The following PMEPA1 variants were observed in gnomAD, a reference collection of about 807,000 sequenced individuals.
PMEPA1 encodes prostate transmembrane protein, androgen induced 1, also known as protein TMEPAI.
A neutral mutation model predicts 23.0 loss-of-function variants in PMEPA1; 11 were observed. The observed-to-expected ratio is 0.48, with a 90% CI of 0.30 to 0.79. PMEPA1 has a LOEUF of 0.79. PMEPA1 is among the 30% of genes least tolerant of loss of function. The pLI, the probability that PMEPA1 is intolerant of heterozygous loss-of-function variation, is 0.06. For synonymous variants in PMEPA1, 204 were observed against 166.4 expected (o/e 1.23, Z -1.74); for missense variants, 377 against 390.9 (o/e 0.96, Z 0.30).
At chr20:57,700,051 T>G in intron 1 of PMEPA1, 1 of 471,226 alleles carries the variant, frequency 2.1e-6, no homozygotes, top group South Asian at 1.5e-5. Flanking sequence ...CTCAGGCAAA[T>G]TCATGGCTGG....
At position 57,652,028 on chromosome 20, in the gene PMEPA1, C is replaced by G; in HGVS notation, c.*25G>C. On this transcript the variant is annotated 3_prime_UTR_variant, in exon 4 of 4. Coordinates refer to ENST00000341744, the MANE Select transcript of PMEPA1 (RefSeq NM_020182.5). The surrounding 1 kb of genome is among the most constrained non-coding windows in gnomAD (Gnocchi z 6.1). ...GTGTTCTGCCTTTTCACCTACGCAGCCCCAGCCCGGCCCCCCTGGGGACCC... is the reference window on the plus strand; with the variant it reads ...GTGTTCTGCCTTTTCACCTACGCAGGCCCAGCCCGGCCCCCCTGGGGACCC... The G allele has an allele frequency of 6.9e-7, 1 of 1,454,662 alleles. No homozygotes were observed. Among genetic ancestry groups the G allele is most frequent in the South Asian group, 1.5e-5 (1 of 68,576 alleles). 90.1% of individuals were successfully genotyped at this position (1,454,662 alleles called of 1,614,324 possible).
rs987801720 is a variant in PMEPA1 at position 57,650,652 on chromosome 20, G to A, written c.*1401C>T. On this transcript the variant is annotated 3_prime_UTR_variant, in exon 4 of 4. Coordinates refer to ENST00000341744, the MANE Select transcript of PMEPA1 (RefSeq NM_020182.5). ...AAAGGAGATGGAAAGGGGAAGAGAA[G>A]GTGAAGAATTCTGCGCCCGAAGCTC... 4 of 152,302 alleles carry A rather than the reference G, an allele frequency of 2.6e-5. No individual in the cohort carries two copies. The highest frequency in any genetic ancestry group is 5.9e-5 in the Non-Finnish European group (4 of 68,084). 9.4% of individuals were successfully genotyped at this position (152,302 alleles called of 1,614,324 possible).
chr20:57,707,278 C>T (rs2072102624), intron 1 of PMEPA1, among the ~76,000 whole-genome samples: 1 of 152,096 alleles, frequency 6.6e-6, no homozygotes. Context: ...TAAAGAAACT[C>T]CAGGAGACAC....
Position 57,670,679 on chromosome 20 carries a change from T to TCCCCA in PMEPA1, c.110-10987_110-10983dup, listed in dbSNP as rs1206388640. 1.4e-4 allele frequency among the ~76,000 whole-genome samples: 22 copies of TCCCCA among 152,072 alleles called. No individual in the cohort carries two copies. The East Asian group carries it at 3.7e-3, about 25-fold the overall frequency. ...GTGCCTGACTCCGCGTTGTATTCCG[T>TCCCCA]CCCCAGCCAGCACAGACCCAAGGGA... On this transcript the variant is annotated intron_variant, in intron 1 of 3. Coordinates refer to ENST00000341744, the MANE Select transcript of PMEPA1 (RefSeq NM_020182.5).
intron 1 of PMEPA1, among the ~76,000 whole-genome samples, chr20:57,701,751 C>T (rs908441127): frequency 2.6e-5 from 4 of 152,160 alleles, no homozygotes; most frequent in Non-Finnish European, 5.9e-5. Context: ...ACCACGCTCA[C>T]CCCCAGAATG....
intron 1 of PMEPA1, among the ~76,000 whole-genome samples, chr20:57,663,314 G>A (rs1158079659): frequency 6.6e-6 from 1 of 152,194 alleles, no homozygotes; most frequent in Non-Finnish European, 1.5e-5. Flanking sequence ...GAGAGGAGCA[G>A]GGTGGTGGCA....
At chr20:57,674,778 C>T (rs570575411) in intron 1 of PMEPA1, among the ~76,000 whole-genome samples, 2 of 152,232 alleles carry the variant, frequency 1.3e-5, no homozygotes, top group Non-Finnish European at 2.9e-5. Context: ...GTATGCCAGG[C>T]CCTGCATGAG....
intron 1 of PMEPA1, among the ~76,000 whole-genome samples, chr20:57,695,583 A>G (rs1012697919): frequency 6.6e-6 from 1 of 152,240 alleles, no homozygotes; most frequent in African/African-American, 2.4e-5. Flanking sequence ...AATTGAGATC[A>G]GAAGTTCGAG....
intron 1 of PMEPA1, among the ~76,000 whole-genome samples, chr20:57,706,771 C>A (rs2072095783): frequency 6.6e-6 from 1 of 152,110 alleles, no homozygotes; most frequent in Non-Finnish European, 1.5e-5. Context: ...GGACCTCGGG[C>A]AAAACTTTCC....
Position 57,709,597 on chromosome 20 carries a change from CGCGGCGCGGG to C in PMEPA1, c.-25_-16del. ...AAGCGGTGCATGGACGGCGCGGCGGCGCGGCGCGGGGCGCGGGGGGCTCGGGGGCGGCCGG... is the reference window on the plus strand; with the variant it reads ...AAGCGGTGCATGGACGGCGCGGCGGCGCGCGGGGGGCTCGGGGGCGGCCGG... On this transcript the variant is annotated 5_prime_UTR_variant, in exon 1 of 4. Transcript: ENST00000341744. 1.0e-6 allele frequency: 1 copy of C among 973,252 alleles called. No homozygotes were observed. The allele number at this position is 973,252 out of a possible 1,614,324, so 60.3% of individuals were successfully genotyped here. A position where few individuals can be genotyped will look rare whatever the true frequency, so the allele number is the denominator to read the frequency against.
intron 1 of PMEPA1, among the ~76,000 whole-genome samples, chr20:57,676,486 C>T (rs761475030): frequency 6.6e-6 from 1 of 152,192 alleles, no homozygotes; most frequent in Non-Finnish European, 1.5e-5. Context: ...CGTTTATTAA[C>T]GATCTGGAGT....
At position 57,652,039 on chromosome 20, in the gene PMEPA1, C is replaced by G; in HGVS notation, c.*14G>C. ...TTTCACCTACGCAGCCCCAGCCCGG[C>G]CCCCCTGGGGACCCTAGAGAGGGTG... On this transcript the variant is annotated 3_prime_UTR_variant, in exon 4 of 4. Coordinates refer to ENST00000341744, the MANE Select transcript of PMEPA1 (RefSeq NM_020182.5). The surrounding 1 kb of genome is among the most constrained non-coding windows in gnomAD (Gnocchi z 6.1). The G allele has an allele frequency of 1.4e-6, 2 of 1,459,466 alleles. No homozygotes were observed. The highest frequency in any genetic ancestry group is 1.8e-6 in the Non-Finnish European group (2 of 1,101,594). 90.4% of individuals were successfully genotyped at this position (1,459,466 alleles called of 1,614,324 possible).
rs369161572 is a variant in PMEPA1, at chr20:57,694,888, G to T, written c.109+14586C>A. Among the ~76,000 whole-genome samples, 67 of 152,318 alleles carry T rather than the reference G, an allele frequency of 4.4e-4. No individual in the cohort carries two copies. The South Asian group carries it at 0.013, about 29-fold the overall frequency. ...AATAGGCCTGAGAGCCACAAAGCCGGTAAGTGAGGCTGCCATGACTGTGAC... is the reference window on the plus strand; with the variant it reads ...AATAGGCCTGAGAGCCACAAAGCCGTTAAGTGAGGCTGCCATGACTGTGAC... On this transcript the variant is annotated intron_variant, in intron 1 of 3. Coordinates refer to ENST00000341744, the MANE Select transcript of PMEPA1 (RefSeq NM_020182.5).
Position 57,655,762 on chromosome 20 carries a change from C to A in PMEPA1, c.265-2676G>T, listed in dbSNP as rs1000496942. ...CTTCTTTGAAGTGGGCGCACCCAGT[C>A]CACCTGCGCCTTCCCCATTTAGATG... On this transcript the variant is annotated intron_variant, in intron 2 of 3. Coordinates refer to ENST00000341744, the MANE Select transcript of PMEPA1 (RefSeq NM_020182.5). The surrounding 1 kb of genome is among the most constrained non-coding windows in gnomAD (Gnocchi z 4.2). Among the ~76,000 whole-genome samples, 1 of 152,212 alleles carries A rather than the reference C, an allele frequency of 6.6e-6. No individual in the cohort carries two copies. The highest frequency in any genetic ancestry group is 2.4e-5 in the African/African-American group (1 of 41,446).
intron 1 of PMEPA1, among the ~76,000 whole-genome samples, chr20:57,684,602 C>T (rs1037896563): frequency 8.5e-5 from 13 of 152,120 alleles, no homozygotes; most frequent in African/African-American, 3.1e-4. Context: ...CCCGGGAGAC[C>T]CTCCACCCCC....
At position 57,649,250 on chromosome 20, in the gene PMEPA1, A is replaced by G. The variant is rs898951623; in HGVS notation, c.*2803T>C. On this transcript the variant is annotated 3_prime_UTR_variant, in exon 4 of 4. Coordinates refer to ENST00000341744, the MANE Select transcript of PMEPA1 (RefSeq NM_020182.5). ...AGGAGCAGTCCAAGAGTTTTCAAAGATAACGTGACAACTACCATCTAGAGG... is the reference window on the plus strand; with the variant it reads ...AGGAGCAGTCCAAGAGTTTTCAAAGGTAACGTGACAACTACCATCTAGAGG... The G allele has an allele frequency of 2.0e-5, 3 of 152,322 alleles. No homozygotes were observed. The highest frequency in any genetic ancestry group is 7.2e-5 in the African/African-American group (3 of 41,580). 9.4% of individuals were successfully genotyped at this position (152,322 alleles called of 1,614,324 possible).
In PMEPA1 at chr20:57,652,341, G is replaced by A. The variant is rs747959665; in HGVS notation, c.576C>T (p.Phe192=). The A allele has an allele frequency of 4.3e-6, 7 of 1,612,818 alleles. No homozygotes were observed. Among genetic ancestry groups the A allele is most frequent in the African/African-American group, 2.7e-5 (2 of 74,908 alleles). ...SVRAPPNRTI[F]DSDLMDSARL... ...TGGCACTATCCATCAGGTCACTGTCGAAGATGGTTCTGTTTGGGGGTGCGC... is the reference window on the plus strand; with the variant it reads ...TGGCACTATCCATCAGGTCACTGTCAAAGATGGTTCTGTTTGGGGGTGCGC... Residue 192 remains phenylalanine (F), a synonymous_variant, in exon 4 of 4, where the codon TTC becomes TTT. Coordinates refer to ENST00000341744, the MANE Select transcript of PMEPA1 (RefSeq NM_020182.5). The surrounding 1 kb of genome is among the most constrained non-coding windows in gnomAD (Gnocchi z 6.1).
chr20:57,707,972 C>G (rs949971199), intron 1 of PMEPA1, among the ~76,000 whole-genome samples: 3 of 152,220 alleles, frequency 2.0e-5, no homozygotes, highest in Non-Finnish European at 2.9e-5. Flanking sequence ...CCTCCTGGCA[C>G]CTCGCTAGTC....
chr20:57,698,821 A>G (rs2146707838), intron 1 of PMEPA1, among the ~76,000 whole-genome samples: 1 of 152,286 alleles, frequency 6.6e-6, no homozygotes, highest in South Asian at 2.1e-4. Flanking sequence ...AGAGGCACAC[A>G]CACACACACA....
Sources: allele counts gnomAD v4.1 joint callset (sites outside exome capture counted in the v4.1 genomes callset), GRCh38; gene constraint gnomAD v4.1.1; non-coding constraint Gnocchi (gnomAD v3.1); transcripts MANE v1.5; gene names NCBI Gene and HGNC (gene_info 2026-07-23, HGNC 2026-07-21).